Variants in KALRN observed in about 807,000 individuals in gnomAD.
KALRN encodes the protein kalirin RhoGEF kinase.
Under a neutral mutation model 353.7 loss-of-function variants are expected in KALRN, and 70 were observed. The observed-to-expected ratio is 0.20, with a 90% confidence interval of 0.16 to 0.24. The LOEUF (loss-of-function observed/expected upper bound fraction) is 0.24. Among genes scored for constraint, KALRN ranks in the 10% least tolerant of loss-of-function variants. The probability of loss-of-function intolerance (pLI) is 1.00; values close to 1 mark genes in which losing one functional copy is unlikely to be tolerated. For synonymous variants in KALRN, 1,391 were observed against 1,434.8 expected (o/e 0.97, Z 0.69); for missense variants, 2,791 against 3,756.7 (o/e 0.74, Z 6.72).
chr3:124,326,084 C>T lies in KALRN; in HGVS notation c.1197C>T (p.Asp399=), dbSNP rs1232881504. ...QQIKQISTQL[D]QEWKSFAAAL... ...TCAAGCAGATCTCCACCCAGCTGGA[C>T]CAGGAGTGGAAGAGCTTCGCTGCTG... is the stretch of plus-strand genomic sequence containing the variant. Residue 399 remains aspartate (D), a synonymous_variant, in exon 7 of 60, where the codon GAC becomes GAT. Coordinates refer to ENST00000682506, the MANE Select transcript of KALRN (RefSeq NM_001388419.1). 6.2e-7 allele frequency: 1 copy of T among 1,613,772 alleles called. No individual in the cohort carries two copies. Among genetic ancestry groups the T allele is most frequent in the African/African-American group, 1.3e-5 (1 of 74,922 alleles).
At chr3:124,706,813 G>T (rs996554708) in intron 57 of KALRN, among the ~76,000 whole-genome samples, 2 of 150,806 alleles carry the variant, frequency 1.3e-5, no homozygotes, top group East Asian at 4.0e-4. Context: ...CAGGTGATCC[G>T]CCTGCCTCAG....
chr3:124,255,654 A>G (rs2071850926), intron 3 of KALRN, among the ~76,000 whole-genome samples: 1 of 152,212 alleles, frequency 6.6e-6, no homozygotes. Context: ...GATACCCCAC[A>G]ATAGCCATGA....
intron 6 of KALRN, among the ~76,000 whole-genome samples, chr3:124,322,148 T>C (rs2079399756): frequency 6.6e-6 from 1 of 152,158 alleles, no homozygotes; most frequent in Non-Finnish European, 1.5e-5. Flanking sequence ...ATCTCCAGTC[T>C]TGGTCCTCAC....
intron 1 of KALRN, among the ~76,000 whole-genome samples, chr3:124,132,257 C>T (rs557638656): frequency 1.2e-4 from 18 of 152,280 alleles, no homozygotes; most frequent in Admixed American, 2.0e-4. Flanking sequence ...CCTGTTGGAG[C>T]CCCAGGTGGA....
chr3:124,403,122 C>A (rs1465443444), intron 13 of KALRN, among the ~76,000 whole-genome samples: 1 of 152,194 alleles, frequency 6.6e-6, no homozygotes, highest in Non-Finnish European at 1.5e-5. Flanking sequence ...TGTGACACTC[C>A]TACCTTCCCC....
chr3:124,075,979 C>T (rs1427788375), intron 1 of KALRN, among the ~76,000 whole-genome samples: 2 of 152,216 alleles, frequency 1.3e-5, no homozygotes, highest in Admixed American at 6.5e-5. Context: ...GAGTATACCC[C>T]TGTCTCTGCG....
At chr3:124,330,040 G>C (rs755067913) in intron 8 of KALRN, 48 bp downstream of exon 8, 1 of 1,601,148 alleles carries the variant, frequency 6.2e-7, no homozygotes, top group Non-Finnish European at 8.5e-7. Context: ...GTCTGCATGT[G>C]GGTGGGTGAT....
At chr3:124,228,192 C>A in intron 2 of KALRN, 128 bp downstream of exon 2, 1 of 799,144 alleles carries the variant, frequency 1.3e-6, no homozygotes, top group African/African-American at 1.7e-5. Context: ...GGGGCAGCTG[C>A]TTTCTTTCTC....
intron 33 of KALRN, among the ~76,000 whole-genome samples, chr3:124,557,468 G>A (rs570706071): frequency 7.2e-5 from 11 of 152,290 alleles, no homozygotes; most frequent in African/African-American, 2.6e-4. Context: ...TCTGATGGAG[G>A]AATTCCAGGC....
chr3:124,419,643 C>G (rs775569846), intron 14 of KALRN, among the ~76,000 whole-genome samples: 1 of 152,062 alleles, frequency 6.6e-6, no homozygotes, highest in Non-Finnish European at 1.5e-5. Flanking sequence ...ATGGCTCTGG[C>G]GTCAAGAAGC....
At chr3:124,434,257 C>G in intron 16 of KALRN, 50 bp from the exon 17 acceptor site, 1 of 1,496,756 alleles carries the variant, frequency 6.7e-7, no homozygotes, top group Non-Finnish European at 9.3e-7. Flanking sequence ...CCCTCCCATA[C>G]CACGCCTGGG....
At chr3:124,281,990 GT>G (rs1436184223) in intron 5 of KALRN, among the ~76,000 whole-genome samples, 1 of 152,224 alleles carries the variant, frequency 6.6e-6, no homozygotes, top group African/African-American at 2.4e-5. Context: ...GTGTTAGCAA[GT>G]TTCACCTTGC....
chr3:124,317,657 T>G (rs1253362007), intron 6 of KALRN, among the ~76,000 whole-genome samples: 1 of 136,572 alleles, frequency 7.3e-6, no homozygotes, highest in Non-Finnish European at 1.5e-5. Context: ...ACTGTATTTC[T>G]AACAAGCTGC....
At chr3:124,097,015 C>G (rs1487761039) in intron 1 of KALRN, among the ~76,000 whole-genome samples, 1 of 152,164 alleles carries the variant, frequency 6.6e-6, no homozygotes, top group African/African-American at 2.4e-5. Context: ...AGTTTTAGAC[C>G]AGTAGCTCTT....
intron 10 of KALRN, among the ~76,000 whole-genome samples, chr3:124,359,118 T>A (rs891024031): frequency 8.5e-5 from 13 of 152,106 alleles, no homozygotes; most frequent in African/African-American, 3.1e-4. Flanking sequence ...TCATGAAGGG[T>A]CACCTTCATG....
chr3:124,679,434 C>G (rs1319964734), intron 50 of KALRN, 24 bp from the exon 51 acceptor site: 1 of 1,608,076 alleles, frequency 6.2e-7, no homozygotes, highest in Non-Finnish European at 8.5e-7. Context: ...TCTTTCTTCC[C>G]CCTTCCTCAT....
intron 5 of KALRN, among the ~76,000 whole-genome samples, chr3:124,275,315 C>T (rs1370772044): frequency 6.6e-6 from 1 of 152,176 alleles, no homozygotes; most frequent in African/African-American, 2.4e-5. Context: ...AGACTTGCTC[C>T]ACTAAATAAA....
intron 17 of KALRN, among the ~76,000 whole-genome samples, chr3:124,437,399 C>A (rs1576926020): frequency 2.0e-5 from 3 of 152,196 alleles, no homozygotes; most frequent in Non-Finnish European, 4.4e-5. Context: ...CCAAAGACAT[C>A]TTTCATCTGG....
intron 33 of KALRN, 80 bp from the exon 34 acceptor site, chr3:124,562,761 CCT>C: frequency 1.7e-6 from 2 of 1,206,498 alleles, no homozygotes; most frequent in Non-Finnish European, 2.2e-6. Context: ...TCCTTCGTCC[CCT>C]CTCACCAACC....
Sources: allele counts gnomAD v4.1 joint callset (sites outside exome capture counted in the v4.1 genomes callset), GRCh38; gene constraint gnomAD v4.1.1; transcripts MANE v1.5; gene names NCBI Gene and HGNC (gene_info 2026-07-23, HGNC 2026-07-21).